Variants in TEAD4 observed in about 807,000 individuals in gnomAD.
The protein encoded by TEAD4 is transcriptional enhancer factor TEF-3.
In TEAD4, 36 loss-of-function variants were observed where a neutral mutation model predicts 52.4. The ratio of observed to expected loss-of-function variants is 0.69; its 90% CI spans 0.53 to 0.91. The LOEUF is 0.91. TEAD4 is among the 40% of genes least tolerant of loss of function. TEAD4 has a pLI of 0.00. For missense variants in TEAD4, 508 were observed against 583.9 expected (o/e 0.87, Z 1.34); for synonymous variants, 220 against 231.0 (o/e 0.95, Z 0.43).
intron 5 of TEAD4, among the ~76,000 whole-genome samples, chr12:3,015,310 C>G (rs761573229): frequency 6.6e-6 from 1 of 152,224 alleles, no homozygotes; most frequent in East Asian, 1.9e-4. Flanking sequence ...ACTCTCAGCA[C>G]CCTAGTCACC....
chr12:3,002,170 C>T (rs2098252251), intron 3 of TEAD4, among the ~76,000 whole-genome samples: 1 of 152,214 alleles, frequency 6.6e-6, no homozygotes, highest in Non-Finnish European at 1.5e-5. Flanking sequence ...CCTTAAGGTT[C>T]ATCCATGTTG....
intron 5 of TEAD4, among the ~76,000 whole-genome samples, chr12:3,016,158 G>C (rs2098264316): frequency 6.6e-6 from 1 of 152,102 alleles, no homozygotes; most frequent in Non-Finnish European, 1.5e-5. Flanking sequence ...TCCTTGAGTA[G>C]CTTGGCCTGC....
rs118108642 is a variant in TEAD4, at chr12:2,992,682, G to A, written c.-29-2056G>A. Among the ~76,000 whole-genome samples, 1,430 of 152,238 alleles carry A rather than the reference G, an allele frequency of 9.4e-3. 9 individuals carry two copies. The highest frequency in any genetic ancestry group is 0.015 in the Non-Finnish European group (1,045 of 68,018). On this transcript the variant is annotated intron_variant, in intron 2 of 12. Coordinates refer to ENST00000359864, the MANE Select transcript of TEAD4 (RefSeq NM_003213.4). Reference sequence around the variant, plus strand: ...GCTCCTCAAGGCTAGTGGGGGAGAAGGGACGGGCAATGTGTGTGACGCGGT... The same window carrying A: ...GCTCCTCAAGGCTAGTGGGGGAGAAAGGACGGGCAATGTGTGTGACGCGGT...
chr12:3,017,252 T>G (rs2098265245), intron 5 of TEAD4, 146 bp from the exon 6 acceptor site: 1 of 1,069,294 alleles, frequency 9.4e-7, no homozygotes, highest in Non-Finnish European at 1.4e-6. Context: ...CAAAACAAGT[T>G]AATAGCACGG....
chr12:2,982,918 C>T (rs1397876695), intron 2 of TEAD4, among the ~76,000 whole-genome samples: 1 of 152,170 alleles, frequency 6.6e-6, no homozygotes, highest in African/African-American at 2.4e-5. Context: ...ACTGATGGTG[C>T]TCACTTCACC....
intron 10 of TEAD4, 41 bp from the exon 11 acceptor site, chr12:3,037,927 A>AC: frequency 6.3e-7 from 1 of 1,590,926 alleles, no homozygotes; most frequent in South Asian, 1.1e-5. Flanking sequence ...CTGACATGGC[A>AC]CCTGCTGACA....
chr12:3,011,023 C>T lies in TEAD4; in HGVS notation c.246C>T (p.Ala82=), dbSNP rs2098259864. 6.2e-7 allele frequency: 1 copy of T among 1,614,144 alleles called. No individual in the cohort carries two copies. Among genetic ancestry groups the T allele is most frequent in the Non-Finnish European group, 8.5e-7 (1 of 1,180,008 alleles). The change falls in exon 4 of 13, where the codon GCC becomes GCT. Residue 82 remains alanine, a synonymous_variant. Coordinates refer to ENST00000359864, the MANE Select transcript of TEAD4 (RefSeq NM_003213.4). ...CTGCAGGTCGGAACGAGCTGATTGC[C>T]CGCTACATCAAGCTCCGGACAGGGA...
rs2098213476 is a variant in TEAD4, at chr12:2,959,580, C to T, written c.-123+99C>T. ...CGCTCGCGCCGCGTGCTCGGCTGCT[C>T]TTTTCTTTCCGCCGCCCGCGTTCCC... On this transcript the variant is annotated intron_variant, in intron 1 of 12. Coordinates refer to ENST00000359864, the MANE Select transcript of TEAD4 (RefSeq NM_003213.4). This position sits in a 1 kb window ranked among gnomAD's most constrained non-coding sequence, Gnocchi z 5.1. 1 of 150,664 alleles carries T rather than the reference C, an allele frequency of 6.6e-6. No individual in the cohort carries two copies. Among genetic ancestry groups the T allele is most frequent in the Non-Finnish European group, 1.5e-5 (1 of 67,500 alleles). 9.3% of individuals were successfully genotyped at this position (150,664 alleles called of 1,614,324 possible).
chr12:2,985,362 G>A (rs1369507786), intron 2 of TEAD4, among the ~76,000 whole-genome samples: 4 of 151,544 alleles, frequency 2.6e-5, no homozygotes, highest in Admixed American at 2.0e-4. Context: ...TCCAGCCTGG[G>A]TGACAGAGCA....
At chr12:3,003,195 C>T (rs1051466614) in intron 3 of TEAD4, among the ~76,000 whole-genome samples, 4 of 152,040 alleles carry the variant, frequency 2.6e-5, no homozygotes, top group African/African-American at 9.7e-5. Flanking sequence ...TCCACGCACA[C>T]TTCCACCCAC....
At chr12:3,024,175 C>T (rs555001430) in intron 10 of TEAD4, among the ~76,000 whole-genome samples, 30 of 151,884 alleles carry the variant, frequency 2.0e-4, no homozygotes, top group African/African-American at 7.0e-4. Context: ...CCCGGGTTCA[C>T]GCCATTCTCC....
chr12:3,019,318 AC>A, intron 8 of TEAD4, 148 bp downstream of exon 8: 1 of 901,386 alleles, frequency 1.1e-6, no homozygotes, highest in Non-Finnish European at 1.7e-6. Flanking sequence ...CCCTGGCCAC[AC>A]CCCATTCCTT....
At position 2,994,703 on chromosome 12, in the gene TEAD4, A is replaced by T; in HGVS notation, c.-29-35A>T. ...ATCCCGTGGCCCACGCAGTTCTTCC[A>T]CTGCTCACCGGGGCTGTGGTTCCTG... On this transcript the variant is annotated intron_variant, in intron 2 of 12. Transcript: ENST00000359864. This position sits in a 1 kb window ranked among gnomAD's most constrained non-coding sequence, Gnocchi z 4.7. 5 of 1,521,004 alleles carry T rather than the reference A, an allele frequency of 3.3e-6. No homozygotes were observed. The highest frequency in any genetic ancestry group is 4.4e-6 in the Non-Finnish European group (5 of 1,137,308). The allele number at this position is 1,521,004 out of a possible 1,614,324, so 94.2% of individuals were successfully genotyped here. A position where few individuals can be genotyped will look rare whatever the true frequency, so the allele number is the denominator to read the frequency against.
intron 2 of TEAD4, among the ~76,000 whole-genome samples, chr12:2,964,011 G>C (rs564005610): frequency 2.6e-5 from 4 of 152,264 alleles, no homozygotes; most frequent in African/African-American, 9.6e-5. Flanking sequence ...TGACCCTCCT[G>C]GGGGATGGGA....
intron 2 of TEAD4, among the ~76,000 whole-genome samples, chr12:2,967,913 CTG>C (rs1308722843): frequency 1.3e-5 from 2 of 152,112 alleles, no homozygotes; most frequent in Non-Finnish European, 2.9e-5. Context: ...GTGGTAAGGT[CTG>C]TGTCAAGGGA....
intron 5 of TEAD4, among the ~76,000 whole-genome samples, chr12:3,014,615 CAG>C (rs1476149803): frequency 1.3e-5 from 2 of 152,206 alleles, no homozygotes; most frequent in East Asian, 3.9e-4. Flanking sequence ...AGTGCTTGGG[CAG>C]AGTCACTGGG....
chr12:2,980,013 G>T (rs1213408842), intron 2 of TEAD4, among the ~76,000 whole-genome samples: 12 of 152,138 alleles, frequency 7.9e-5, no homozygotes, highest in Non-Finnish European at 5.9e-5. Context: ...GCCCTCTCCT[G>T]TGCTCACTGA....
At chr12:3,012,978 G>A (rs61917975) in intron 5 of TEAD4, among the ~76,000 whole-genome samples, 3 of 152,136 alleles carry the variant, frequency 2.0e-5, no homozygotes, top group Non-Finnish European at 4.4e-5. Flanking sequence ...TTAGAGACAG[G>A]ATCTGTCTCT....
At chr12:3,012,032 C>A (rs2098260732) in intron 4 of TEAD4, 138 bp from the exon 5 acceptor site, 3 of 807,130 alleles carry the variant, frequency 3.7e-6, no homozygotes, top group African/African-American at 1.7e-5. Context: ...GAGGGCCCAC[C>A]AGTTGACCCT....
Sources: gnomAD v4.1 joint callset for allele counts (sites outside exome capture counted in the v4.1 genomes callset) on GRCh38, gnomAD v4.1.1 for gene constraint, Gnocchi (gnomAD v3.1) non-coding constraint, MANE v1.5 for transcripts, NCBI Gene and HGNC (gene_info 2026-07-23, HGNC 2026-07-21) for gene names.